The following GRIK1 variants were observed in gnomAD, a reference collection of about 807,000 sequenced individuals.
GRIK1 encodes glutamate receptor ionotropic, kainate 1.
Under a neutral mutation model 105.7 loss-of-function variants are expected in GRIK1, and 69 were observed. That is an observed-to-expected ratio of 0.65 (90% CI 0.54 to 0.80). GRIK1 has a LOEUF of 0.80. GRIK1 is among the 30% of genes least tolerant of loss of function. The pLI, the probability that GRIK1 is intolerant of heterozygous loss-of-function variation, is 0.00. For synonymous variants in GRIK1, 438 were observed against 431.3 expected, an observed-to-expected ratio of 1.02 and a Z score of -0.19; for missense variants, 1,109 against 1,167.3, an observed-to-expected ratio of 0.95 and a Z score of 0.73.
chr21:29,775,103 G>A lies in GRIK1; in HGVS notation c.119-81040C>T, dbSNP rs191658592. Among the ~76,000 whole-genome samples the A allele has an allele frequency of 7.2e-4, 109 of 152,048 alleles. No individual in the cohort carries two copies. The East Asian group carries it at 0.019, about 27-fold the overall frequency. ...GGAGGCCAAGGCTGGCAGATCACGA[G>A]GTCAGGAGTTTGAGACCAGCCTGAC... On this transcript the variant is annotated intron_variant, in intron 1 of 17. Transcript: ENST00000327783.
At chr21:29,843,550 A>G (rs1184372606) in intron 1 of GRIK1, among the ~76,000 whole-genome samples, 2 of 152,082 alleles carry the variant, frequency 1.3e-5, no homozygotes, top group Non-Finnish European at 2.9e-5. Context: ...TTAAATGTAA[A>G]AGGCCTTATA....
At chr21:29,930,325 C>T (rs748913817) in intron 1 of GRIK1, among the ~76,000 whole-genome samples, 18 of 152,060 alleles carry the variant, frequency 1.2e-4, no homozygotes, top group Non-Finnish European at 1.9e-4. Flanking sequence ...CATCTGTTTA[C>T]GGATTACTAA....
intron 12 of GRIK1, among the ~76,000 whole-genome samples, chr21:29,586,190 A>G (rs2091127368): frequency 6.6e-6 from 1 of 152,248 alleles, no homozygotes; most frequent in Non-Finnish European, 1.5e-5. Flanking sequence ...TTGGTCAGTA[A>G]AAGTATAAAA....
At chr21:29,601,537 C>A (rs936005309) in intron 7 of GRIK1, among the ~76,000 whole-genome samples, 1 of 152,196 alleles carries the variant, frequency 6.6e-6, no homozygotes, top group East Asian at 1.9e-4. Flanking sequence ...TATGCACAGC[C>A]CCAGCTGGAA....
intron 9 of GRIK1, among the ~76,000 whole-genome samples, chr21:29,595,188 C>T (rs2832407): frequency 6.6e-6 from 1 of 151,874 alleles, no homozygotes; most frequent in African/African-American, 2.4e-5. Flanking sequence ...TTACAACCCT[C>T]GGGAGTGTGT....
rs1013427221 is a variant in GRIK1 at position 29,865,648 on chromosome 21, G to A, written c.118+73735C>T. On this transcript the variant is annotated intron_variant, in intron 1 of 17. Coordinates refer to ENST00000327783, the MANE Select transcript of GRIK1 (RefSeq NM_001330994.2). ...ATTGCATAAATTATGGGGCATATAT[G>A]TGAGAAAATGCCATTCATTCATTAA... Among the ~76,000 whole-genome samples, 4 of 152,366 alleles carry A rather than the reference G, an allele frequency of 2.6e-5. No individual in the cohort carries two copies. The East Asian group carries it at 7.7e-4, about 29-fold the overall frequency.
chr21:29,595,340 G>GTTT (rs71191119), intron 9 of GRIK1, among the ~76,000 whole-genome samples: 98 of 136,956 alleles, frequency 7.2e-4, no homozygotes, highest in African/African-American at 2.1e-3. Context: ...AGTGTAATAG[G>GTTT]TTTTTTTTTT....
At chr21:29,561,998 C>A in intron 14 of GRIK1, 149 bp from the exon 15 acceptor site, 1 of 622,982 alleles carries the variant, frequency 1.6e-6, no homozygotes, top group Non-Finnish European at 2.9e-6. Context: ...CAAGGCTTCA[C>A]TTTTGTAGCT....
At chr21:29,694,113 T>C (rs752832713) in intron 1 of GRIK1, 50 bp from the exon 2 acceptor site, 1 of 989,342 alleles carries the variant, frequency 1.0e-6, no homozygotes, top group Non-Finnish European at 1.4e-6. Flanking sequence ...ATGGTTCACA[T>C]GTAATTTTTT....
At chr21:29,619,789 C>T (rs2061944963) in intron 7 of GRIK1, among the ~76,000 whole-genome samples, 1 of 152,178 alleles carries the variant, frequency 6.6e-6, no homozygotes, top group Non-Finnish European at 1.5e-5. Flanking sequence ...GCAACAGAAG[C>T]AGCATGGATT....
chr21:29,844,798 A>C (rs2068071596), intron 1 of GRIK1, among the ~76,000 whole-genome samples: 2 of 152,194 alleles, frequency 1.3e-5, no homozygotes, highest in South Asian at 4.1e-4. Context: ...AATACTTTTC[A>C]TAGTTGATTG....
chr21:29,720,479 T>TTGCATGTG (rs2064291957), intron 1 of GRIK1, among the ~76,000 whole-genome samples: 2 of 151,920 alleles, frequency 1.3e-5, no homozygotes, highest in South Asian at 4.2e-4. Context: ...GAGCAACCAG[T>TTGCATGTG]TGCATGTGTG....
chr21:29,727,050 C>T lies in GRIK1; in HGVS notation c.119-32987G>A, dbSNP rs149790431. On this transcript the variant is annotated intron_variant, in intron 1 of 17. Transcript: ENST00000327783. ...TTCCAGGCTCAAGCGATCCTTCCAC[C>T]TCAGATTCCGAGTAGTTAGGAGCAC... 8.5e-3 allele frequency among the ~76,000 whole-genome samples: 1,295 copies of T among 152,160 alleles called. 11 individuals carry two copies. Among genetic ancestry groups the T allele is most frequent in the Non-Finnish European group, 0.013 (883 of 68,002 alleles).
At chr21:29,828,933 C>T (rs2067551059) in intron 1 of GRIK1, among the ~76,000 whole-genome samples, 1 of 152,094 alleles carries the variant, frequency 6.6e-6, no homozygotes, top group South Asian at 2.1e-4. Flanking sequence ...CAAACCAAAC[C>T]AGTTTTACTC....
At position 29,584,366 on chromosome 21, in the gene GRIK1, A is replaced by G. The variant is rs563497494; in HGVS notation, c.1794-2823T>C. Among the ~76,000 whole-genome samples the G allele has an allele frequency of 2.0e-5, 3 of 152,302 alleles. No homozygotes were observed. In the East Asian group the frequency reaches 5.8e-4, roughly 29 times the overall value. On this transcript the variant is annotated intron_variant, in intron 12 of 17. Transcript: ENST00000327783. ...TCCATTTTTAAGAAGACGAACATAA[A>G]TGATAAAATGTAAGCAGACATTCTA...
intron 1 of GRIK1, among the ~76,000 whole-genome samples, chr21:29,802,910 T>C (rs2066752876): frequency 6.6e-6 from 1 of 152,188 alleles, no homozygotes; most frequent in African/African-American, 2.4e-5. Context: ...GGAGGCACTA[T>C]ATAACGCTGG....
chr21:29,704,355 T>C (rs985482038), intron 1 of GRIK1, among the ~76,000 whole-genome samples: 4 of 152,220 alleles, frequency 2.6e-5, no homozygotes, highest in Non-Finnish European at 4.4e-5. Flanking sequence ...CTATGTGGAA[T>C]CTTTCCTGAT....
chr21:29,647,186 T>A (rs1487980383), intron 6 of GRIK1, among the ~76,000 whole-genome samples: 2 of 152,212 alleles, frequency 1.3e-5, no homozygotes, highest in Non-Finnish European at 2.9e-5. Flanking sequence ...ACATCAGGTA[T>A]CATCAAGTAA....
At chr21:29,742,864 T>C (rs980791506) in intron 1 of GRIK1, among the ~76,000 whole-genome samples, 1 of 152,210 alleles carries the variant, frequency 6.6e-6, no homozygotes, top group African/African-American at 2.4e-5. Context: ...TTCTCATTGC[T>C]TTGAGATGGC....
Sources: allele counts gnomAD v4.1 joint callset (sites outside exome capture counted in the v4.1 genomes callset), GRCh38; gene constraint gnomAD v4.1.1; transcripts MANE v1.5; gene names NCBI Gene and HGNC (gene_info 2026-07-23, HGNC 2026-07-21).